The following XIRP2 variants were observed in gnomAD, a reference collection of about 807,000 sequenced individuals.
XIRP2 encodes the protein xin actin binding repeat containing 2.
Under a neutral mutation model 277.0 loss-of-function variants are expected in XIRP2, and 236 were observed. The observed-to-expected ratio is 0.85, with a 90% CI of 0.77 to 0.95. XIRP2 has a LOEUF of 0.95. XIRP2 is among the 40% of genes least tolerant of loss of function. The pLI, the probability that XIRP2 is intolerant of heterozygous loss-of-function variation, is 0.00. For missense variants in XIRP2, 4,640 were observed against 4,157.5 expected, an observed-to-expected ratio of 1.12 and a Z score of -3.19; for synonymous variants, 1,490 against 1,416.5, an observed-to-expected ratio of 1.05 and a Z score of -1.17.
At chr2:167,184,539 C>A in intron 3 of XIRP2, 2 of 715,860 alleles carry the variant, frequency 2.8e-6, no homozygotes, top group Non-Finnish European at 2.6e-6. Context: ...CTGTTTCCAG[C>A]AGCAGTGTTC....
intron 2 of XIRP2, among the ~76,000 whole-genome samples, chr2:167,096,584 C>T (rs1375293747): frequency 6.6e-6 from 1 of 152,054 alleles, no homozygotes; most frequent in African/African-American, 2.4e-5. Context: ...TTCTTGTCTT[C>T]TGCTAGCTTT....
chr2:167,259,484 T>C lies in XIRP2; in HGVS notation c.*1667T>C. On this transcript the variant is annotated 3_prime_UTR_variant, in exon 11 of 11. Coordinates refer to ENST00000409195, the MANE Select transcript of XIRP2 (RefSeq NM_152381.6). ...TTGATGTAAACATGGTGTTCAGAAA[T>C]CTCGTGTCTATCTCAATGGGATATT... 1.0e-6 allele frequency: 1 copy of C among 974,432 alleles called. No homozygotes were observed. Among genetic ancestry groups the C allele is most frequent in the East Asian group, 2.7e-5 (1 of 36,836 alleles). 60.4% of individuals were successfully genotyped at this position (974,432 alleles called of 1,614,324 possible). A position where few individuals can be genotyped will look rare whatever the true frequency, so the allele number is the denominator to read the frequency against.
At chr2:167,191,317 G>A (rs749247230) in intron 3 of XIRP2, among the ~76,000 whole-genome samples, 4 of 152,042 alleles carry the variant, frequency 2.6e-5, no homozygotes, top group Admixed American at 6.6e-5. Context: ...GCTGAGGCAC[G>A]GGAAGACTAG....
Position 167,245,240 on chromosome 2 carries a change from C to CT in XIRP2, c.3851dup (p.Leu1284PhefsTer3). ...GGGTGCTTTATTTTTGAGACTTTTT[C>CT]TTTAGATGAGATTAAAGAAGAATCT... On this transcript the variant is annotated frameshift_variant, in exon 9 of 11. Coordinates refer to ENST00000409195, the MANE Select transcript of XIRP2 (RefSeq NM_152381.6). LOFTEE classifies it high-confidence loss of function. The CT allele has an allele frequency of 6.2e-7, 1 of 1,613,474 alleles. No homozygotes were observed.
chr2:167,225,345 G>T (rs1445183547), intron 5 of XIRP2, among the ~76,000 whole-genome samples: 1 of 152,140 alleles, frequency 6.6e-6, no homozygotes, highest in East Asian at 1.9e-4. Flanking sequence ...TTACAAGTGT[G>T]AGTGTTGCAT....
At chr2:167,090,009 G>T (rs989889741) in intron 2 of XIRP2, among the ~76,000 whole-genome samples, 1 of 152,092 alleles carries the variant, frequency 6.6e-6, no homozygotes, top group South Asian at 2.1e-4. Context: ...TGTGCTAAGA[G>T]ATTAAAAGTT....
chr2:167,061,111 A>G (rs987041382), intron 2 of XIRP2, among the ~76,000 whole-genome samples: 8 of 152,130 alleles, frequency 5.3e-5, no homozygotes, highest in Admixed American at 2.6e-4. Flanking sequence ...TTCTCACTTT[A>G]TATAATAGAA....
chr2:166,969,425 A>C (rs1394706818), intron 2 of XIRP2, among the ~76,000 whole-genome samples: 1 of 152,030 alleles, frequency 6.6e-6, no homozygotes, highest in Admixed American at 6.6e-5. Context: ...TGCAGCCTTT[A>C]AATTTGATAA....
chr2:167,169,996 A>G (rs1210533656), intron 3 of XIRP2, among the ~76,000 whole-genome samples: 1 of 152,160 alleles, frequency 6.6e-6, no homozygotes, highest in East Asian at 1.9e-4. Context: ...CATTCTTAAT[A>G]TAGAAAAAGC....
At chr2:166,949,859 G>A (rs992769637) in intron 2 of XIRP2, among the ~76,000 whole-genome samples, 2 of 151,848 alleles carry the variant, frequency 1.3e-5, no homozygotes, top group African/African-American at 2.4e-5. Flanking sequence ...GATTTTTATT[G>A]ACCTTAAAAC....
chr2:166,962,633 A>C (rs1346850687), intron 2 of XIRP2, among the ~76,000 whole-genome samples: 3 of 151,826 alleles, frequency 2.0e-5, no homozygotes, highest in Non-Finnish European at 2.9e-5. Context: ...TAAAGAAATA[A>C]ATGATACAAC....
intron 2 of XIRP2, among the ~76,000 whole-genome samples, chr2:166,949,874 A>G (rs1011623673): frequency 4.6e-5 from 7 of 152,068 alleles, no homozygotes; most frequent in Non-Finnish European, 7.4e-5. Flanking sequence ...TAAAACTATA[A>G]AATTACTTCA....
chr2:166,920,555 T>C lies in XIRP2; in HGVS notation c.408+16665T>C, dbSNP rs1447268461. 2.6e-5 allele frequency among the ~76,000 whole-genome samples: 4 copies of C among 152,190 alleles called. No individual in the cohort carries two copies. The South Asian group carries it at 8.3e-4, about 31-fold the overall frequency. On this transcript the variant is annotated intron_variant, in intron 2 of 10. Transcript: ENST00000409195. ...TGTGTTAACATCTTTGAAACTGATA[T>C]GCTTCTCATAGTCAGTGCCATTTCA... is the stretch of plus-strand genomic sequence containing the variant.
chr2:167,078,415 G>A (rs1206941722), intron 2 of XIRP2, among the ~76,000 whole-genome samples: 5 of 152,148 alleles, frequency 3.3e-5, no homozygotes, highest in African/African-American at 1.2e-4. Flanking sequence ...TTGTCAATGA[G>A]GAGAGATAGT....
At position 167,258,605 on chromosome 2, in the gene XIRP2, C is replaced by A. The variant is rs370427006; in HGVS notation, c.*788C>A. 11 of 1,612,852 alleles carry A rather than the reference C, an allele frequency of 6.8e-6. No homozygotes were observed. Among genetic ancestry groups the A allele is most frequent in the Non-Finnish European group, 9.3e-6 (11 of 1,179,532 alleles). On this transcript the variant is annotated 3_prime_UTR_variant, in exon 11 of 11. Coordinates refer to ENST00000409195, the MANE Select transcript of XIRP2 (RefSeq NM_152381.6). ...CCAAACTAATGGTGCAGAAGTTTTA[C>A]AGGTTACTAACACTGATGATGAGAT...
intron 2 of XIRP2, among the ~76,000 whole-genome samples, chr2:167,101,707 G>A (rs1308256796): frequency 6.6e-6 from 1 of 152,104 alleles, no homozygotes; most frequent in Non-Finnish European, 1.5e-5. Flanking sequence ...TTGGCTATGA[G>A]TGCAAAATAT....
chr2:167,139,976 C>G (rs1199782119), intron 3 of XIRP2, among the ~76,000 whole-genome samples: 1 of 152,116 alleles, frequency 6.6e-6, no homozygotes, highest in Admixed American at 6.6e-5. Context: ...GATCCAGATG[C>G]TAATTATTCA....
At chr2:167,160,526 A>G (rs1005792363) in intron 3 of XIRP2, among the ~76,000 whole-genome samples, 1 of 152,196 alleles carries the variant, frequency 6.6e-6, no homozygotes, top group Non-Finnish European at 1.5e-5. Context: ...TGAAAGGCAC[A>G]TCTCACACGG....
At chr2:167,164,403 G>A (rs576927871) in intron 3 of XIRP2, among the ~76,000 whole-genome samples, 12 of 129,836 alleles carry the variant, frequency 9.2e-5, no homozygotes, top group African/African-American at 1.2e-4. Context: ...CCAAGATAGC[G>A]CCACTGCAGT....
Sources: allele counts gnomAD v4.1 joint callset (sites outside exome capture counted in the v4.1 genomes callset), GRCh38; gene constraint gnomAD v4.1.1; transcripts MANE v1.5; gene names NCBI Gene and HGNC (gene_info 2026-07-23, HGNC 2026-07-21).